KCNIP4: variants seen among roughly 807,000 people sequenced by gnomAD.
KCNIP4 encodes Kv channel-interacting protein 4.
Under a neutral mutation model 34.0 loss-of-function variants are expected in KCNIP4, and 12 were observed. The ratio of observed to expected loss-of-function variants is 0.35; its 90% CI spans 0.23 to 0.57. The LOEUF (loss-of-function observed/expected upper bound fraction) is 0.57, where lower values mean the gene tolerates loss of function less well. KCNIP4 is among the 20% of genes least tolerant of loss of function. The pLI is 0.83. For synonymous variants in KCNIP4, 124 were observed against 102.2 expected, an observed-to-expected ratio of 1.21 and a Z score of -1.29; for missense variants, 238 against 311.7, an observed-to-expected ratio of 0.76 and a Z score of 1.78.
chr4:21,021,567 A>G (rs1313785796), intron 1 of KCNIP4, among the ~76,000 whole-genome samples: 2 of 152,080 alleles, frequency 1.3e-5, no homozygotes, highest in Non-Finnish European at 2.9e-5. Flanking sequence ...TCTATTAATT[A>G]TTTTACTTTA....
intron 1 of KCNIP4, among the ~76,000 whole-genome samples, chr4:21,727,736 C>G (rs1715300416): frequency 6.6e-6 from 1 of 151,876 alleles, no homozygotes; most frequent in African/African-American, 2.4e-5. Context: ...GGCTGAGACA[C>G]AAGAATCACT....
chr4:21,501,244 TCTCTCACA>T (rs1213291798), intron 1 of KCNIP4, among the ~76,000 whole-genome samples: 2 of 142,448 alleles, frequency 1.4e-5, no homozygotes, highest in African/African-American at 2.8e-5. Context: ...TCTCTCTCTC[TCTCTCACA>T]CACACACACA....
chr4:21,725,278 C>T (rs574408840), intron 1 of KCNIP4, among the ~76,000 whole-genome samples: 1 of 152,264 alleles, frequency 6.6e-6, no homozygotes, highest in Admixed American at 6.5e-5. Context: ...CTTAGACTTC[C>T]TGTCACAACA....
In KCNIP4 at chr4:21,020,595, G is replaced by A. The variant is rs540858613; in HGVS notation, c.62-137886C>T. Among the ~76,000 whole-genome samples the A allele has an allele frequency of 4.6e-5, 7 of 152,124 alleles. No homozygotes were observed. The South Asian group carries it at 1.4e-3, about 32-fold the overall frequency. ...TTTTCTCTAGATGCTTGACGATATC[G>A]CCATTCTTCGGCTATATGAGCTTGC... is the stretch of plus-strand genomic sequence containing the variant. On this transcript the variant is annotated intron_variant, in intron 1 of 8. Transcript: ENST00000382152.
At chr4:21,094,602 G>T (rs1747303993) in intron 1 of KCNIP4, among the ~76,000 whole-genome samples, 1 of 152,142 alleles carries the variant, frequency 6.6e-6, no homozygotes, top group Non-Finnish European at 1.5e-5. Context: ...CATCCTTGTG[G>T]GAGGGGGTCT....
intron 1 of KCNIP4, among the ~76,000 whole-genome samples, chr4:21,086,401 T>C (rs1426982119): frequency 2.0e-5 from 3 of 152,202 alleles, no homozygotes; most frequent in Admixed American, 2.0e-4. Context: ...TTCTGAACCC[T>C]GAGTGCCTGG....
At chr4:21,198,331 C>A (rs1756210371) in intron 1 of KCNIP4, among the ~76,000 whole-genome samples, 2 of 152,118 alleles carry the variant, frequency 1.3e-5, no homozygotes, top group Admixed American at 1.3e-4. Context: ...CCTCTGTTTA[C>A]AATTGATAAT....
intron 1 of KCNIP4, among the ~76,000 whole-genome samples, chr4:21,399,584 C>A (rs1319441464): frequency 1.3e-5 from 2 of 151,908 alleles, no homozygotes; most frequent in South Asian, 4.1e-4. Context: ...TTAAGTCACT[C>A]AAGTACTAAC....
At chr4:21,558,470 C>T (rs548702459) in intron 1 of KCNIP4, among the ~76,000 whole-genome samples, 73 of 113,960 alleles carry the variant, frequency 6.4e-4, no homozygotes, top group African/African-American at 2.0e-3. Context: ...TCAGCCTGGG[C>T]GGCAGAGTGA....
intron 3 of KCNIP4, among the ~76,000 whole-genome samples, chr4:20,824,483 C>T (rs558304732): frequency 6.6e-6 from 1 of 152,016 alleles, no homozygotes; most frequent in Non-Finnish European, 1.5e-5. Context: ...AAATCAAGAC[C>T]ATCCTGGCCA....
At chr4:21,740,810 A>G (rs1045116646) in intron 1 of KCNIP4, among the ~76,000 whole-genome samples, 29 of 152,206 alleles carry the variant, frequency 1.9e-4, no homozygotes, top group African/African-American at 7.0e-4. Flanking sequence ...TACTCTACCC[A>G]TATACATTTA....
intron 1 of KCNIP4, among the ~76,000 whole-genome samples, chr4:21,044,314 A>AT (rs918600542): frequency 2.7e-4 from 40 of 148,788 alleles, no homozygotes; most frequent in East Asian, 2.2e-3. Flanking sequence ...TTCCCCCACA[A>AT]TTTTTTTTTT....
At chr4:21,386,438 G>T (rs889356573) in intron 1 of KCNIP4, among the ~76,000 whole-genome samples, 44 of 152,146 alleles carry the variant, frequency 2.9e-4, no homozygotes, top group Non-Finnish European at 4.6e-4. Context: ...TAAAAAAAAA[G>T]AACTCAGGAA....
rs775419710 is a variant in KCNIP4 at position 21,917,192 on chromosome 4, T to C, written c.61+31379A>G. ...CACTGTCGCCCAGGCTGGAGTGCAATGGTGTGGTCTCGGCTCACTGCAACC... is the reference window on the plus strand; with the variant it reads ...CACTGTCGCCCAGGCTGGAGTGCAACGGTGTGGTCTCGGCTCACTGCAACC... On this transcript the variant is annotated intron_variant, in intron 1 of 8. Transcript: ENST00000382152. Among the ~76,000 whole-genome samples the C allele has an allele frequency of 6.8e-4, 104 of 152,268 alleles. 1 individual carries two copies. Among genetic ancestry groups the C allele is most frequent in the Non-Finnish European group, 9.9e-4 (67 of 68,018 alleles).
intron 1 of KCNIP4, chr4:21,846,853 T>A (rs1387336354): frequency 6.6e-6 from 1 of 152,114 alleles, no homozygotes; most frequent in Non-Finnish European, 1.5e-5. Flanking sequence ...TACCTGTTTT[T>A]TCCATGTACT....
intron 1 of KCNIP4, among the ~76,000 whole-genome samples, chr4:21,663,889 A>G (rs563058794): frequency 6.6e-6 from 1 of 152,314 alleles, no homozygotes; most frequent in South Asian, 2.1e-4. Context: ...TCAGAGTCAC[A>G]GTGCTAAATA....
At position 21,054,316 on chromosome 4, in the gene KCNIP4, C is replaced by T. The variant is rs181779410; in HGVS notation, c.62-171607G>A. On this transcript the variant is annotated intron_variant, in intron 1 of 8. Coordinates refer to ENST00000382152, the MANE Select transcript of KCNIP4 (RefSeq NM_025221.6). ...GGCGGATCACTTGAGGTCAGGAGTT[C>T]GAGATCAGCCTGGCCAACATGGTGA... 3.6e-3 allele frequency among the ~76,000 whole-genome samples: 552 copies of T among 151,976 alleles called. 1 individual carries two copies. The highest frequency in any genetic ancestry group is 0.013 in the African/African-American group (535 of 41,480).
At chr4:21,355,587 C>G (rs1213827914) in intron 1 of KCNIP4, among the ~76,000 whole-genome samples, 1 of 152,078 alleles carries the variant, frequency 6.6e-6, no homozygotes, top group Non-Finnish European at 1.5e-5. Context: ...AAACACCCTC[C>G]CAAGACTAAA....
chr4:21,363,750 G>A (rs1314152499), intron 1 of KCNIP4, among the ~76,000 whole-genome samples: 1 of 152,048 alleles, frequency 6.6e-6, no homozygotes, highest in Admixed American at 6.6e-5. Context: ...TATCATTCCT[G>A]CCCTCATTTT....
Sources: allele counts gnomAD v4.1 joint callset (sites outside exome capture counted in the v4.1 genomes callset), GRCh38; gene constraint gnomAD v4.1.1; transcripts MANE v1.5; gene names NCBI Gene and HGNC (gene_info 2026-07-23, HGNC 2026-07-21).